PUDP: variants seen among roughly 807,000 people sequenced by gnomAD.
PUDP encodes pseudouridine 5'-phosphatase, also known as pseudouridine-5'-phosphatase.
PUDP carries 8 observed loss-of-function variants against 9.4 expected under a neutral mutation model. That is an observed-to-expected ratio of 0.85 (90% confidence interval 0.50 to 1.53). The LOEUF is 1.53. Among genes scored for constraint, PUDP ranks in the 40% most tolerant of loss-of-function variants. The pLI is 0.00. For synonymous variants in PUDP, 99 were observed against 80.7 expected (o/e 1.23, Z -1.22); for missense variants, 188 against 189.7 (o/e 0.99, Z 0.05).
At chrX:6,884,790 T>C (rs1478740124) in intron 3 of PUDP, among the ~76,000 whole-genome samples, 1 of 112,606 alleles carries the variant, frequency 8.9e-6, no homozygotes, top group Non-Finnish European at 1.9e-5. Context: ...CAGAAGTTTC[T>C]GGATTAAATA....
intron 3 of PUDP, among the ~76,000 whole-genome samples, chrX:6,846,422 AAAAAAG>A (rs1437609109): frequency 3.7e-5 from 4 of 109,006 alleles, no homozygotes; most frequent in African/African-American, 1.3e-4. Flanking sequence ...AAAAAAAAAA[AAAAAAG>A]AAAAGTGTCA....
chrX:6,718,221 G>A (rs1263568192), intron 1 of PUDP, among the ~76,000 whole-genome samples: 4 of 111,303 alleles, frequency 3.6e-5, no homozygotes, highest in African/African-American at 6.5e-5. Context: ...ACTACCATTC[G>A]ATCCAACAAT....
intron 1 of PUDP, among the ~76,000 whole-genome samples, chrX:7,000,619 C>T (rs1391228980): frequency 9.3e-6 from 1 of 107,635 alleles, no homozygotes; most frequent in Admixed American, 9.9e-5. Context: ...TAAATAGAAA[C>T]AAATATAAAT....
At chrX:6,778,088 T>C (rs1328727409) in intron 3 of PUDP, among the ~76,000 whole-genome samples, 2 of 112,129 alleles carry the variant, frequency 1.8e-5, no homozygotes, top group East Asian at 5.6e-4. Context: ...AGAGAAGCTG[T>C]TGGCATGTTT....
chrX:6,798,023 G>A (rs1006430777), intron 3 of PUDP, among the ~76,000 whole-genome samples: 2 of 112,036 alleles, frequency 1.8e-5, no homozygotes, highest in Admixed American at 9.5e-5. Context: ...CCCAACAGTT[G>A]GCACAATCCC....
intron 2 of PUDP, among the ~76,000 whole-genome samples, chrX:7,096,727 G>A (rs745482506): frequency 9.0e-6 from 1 of 110,922 alleles, no homozygotes; most frequent in South Asian, 3.9e-4. Flanking sequence ...TCCTAGCCAC[G>A]CCAGAAGCTG....
chrX:6,944,287 G>A (rs1450757937), intron 3 of PUDP, among the ~76,000 whole-genome samples: 2 of 111,793 alleles, frequency 1.8e-5, no homozygotes, highest in Non-Finnish European at 3.8e-5. Context: ...TGCCATGATT[G>A]TAAGTTTTCT....
At chrX:6,790,099 T>C (rs1348762321) in intron 3 of PUDP, among the ~76,000 whole-genome samples, 1 of 111,126 alleles carries the variant, frequency 9.0e-6, no homozygotes, top group Non-Finnish European at 1.9e-5. Context: ...AGATGATAGA[T>C]AGATCATAGA....
intron 3 of PUDP, among the ~76,000 whole-genome samples, chrX:6,906,956 C>T (rs754743356): frequency 2.7e-4 from 30 of 111,529 alleles, no homozygotes; most frequent in Middle Eastern, 4.6e-3. Flanking sequence ...GCTAAGCAGT[C>T]GGTTTTGTTG....
At position 6,765,339 on chromosome X, in the gene PUDP, T is replaced by G. The variant is rs1925272213; in HGVS notation, c.*248-58873A>C. On this transcript the variant is annotated intron_variant and NMD_transcript_variant, in intron 3 of 3. Transcript: ENST00000655425. ...AACAACAAAAAGAAAGCCCTGAAAA[T>G]ACCTAGAACTAACCTTAACAAGAAA... 2.7e-5 allele frequency among the ~76,000 whole-genome samples: 3 copies of G among 110,960 alleles called. No homozygotes were observed. The South Asian group carries it at 1.1e-3, about 42-fold the overall frequency.
Position 7,116,657 on chromosome X carries a change from G to A in PUDP, c.62-10819C>T, listed in dbSNP as rs541438087. On this transcript the variant is annotated intron_variant, in intron 1 of 3. Coordinates refer to ENST00000381077, the MANE Select transcript of PUDP (RefSeq NM_012080.5). ...GAACTAATCTCCATGCCCCCTCTAC[G>A]CCAAAAAGACCCTGCATCAGGTCAG... is the stretch of plus-strand genomic sequence containing the variant. 3.6e-5 allele frequency among the ~76,000 whole-genome samples: 4 copies of A among 111,812 alleles called. 1 individual carries two copies. The highest frequency in any genetic ancestry group is 5.7e-4 in the East Asian group (2 of 3,531).
intron 3 of PUDP, among the ~76,000 whole-genome samples, chrX:6,741,694 C>A (rs973892382): frequency 9.0e-6 from 1 of 110,990 alleles, no homozygotes; most frequent in Non-Finnish European, 1.9e-5. Flanking sequence ...TTTCATGATA[C>A]ATCCTGGAAA....
chrX:6,788,544 A>T (rs936994524), intron 3 of PUDP, among the ~76,000 whole-genome samples: 6 of 111,224 alleles, frequency 5.4e-5, no homozygotes, highest in Admixed American at 3.8e-4. Context: ...CTCTACAAAA[A>T]ATACAAAAAA....
intron 1 of PUDP, among the ~76,000 whole-genome samples, chrX:6,983,485 A>T (rs1421792939): frequency 8.9e-6 from 1 of 112,100 alleles, no homozygotes; most frequent in Non-Finnish European, 1.9e-5. Flanking sequence ...TAGTGATGTT[A>T]CCTTCAAGAG....
intron 3 of PUDP, among the ~76,000 whole-genome samples, chrX:6,924,463 G>C (rs1433198268): frequency 8.9e-6 from 1 of 112,328 alleles, no homozygotes; most frequent in Non-Finnish European, 1.9e-5. Context: ...GACCAGAAGT[G>C]TTTCAGATTA....
At chrX:6,796,618 T>C (rs1353868698) in intron 3 of PUDP, among the ~76,000 whole-genome samples, 1 of 112,216 alleles carries the variant, frequency 8.9e-6, no homozygotes, top group Non-Finnish European at 1.9e-5. Flanking sequence ...AATCACCGGA[T>C]AGTCCAATTC....
At chrX:6,714,993 A>ATG (rs775165133) in intron 1 of PUDP, among the ~76,000 whole-genome samples, 3,772 of 104,837 alleles carry the variant, frequency 0.036, 163 homozygotes, top group African/African-American at 0.12. Flanking sequence ...ATATATATAT[A>ATG]TGTGTGTGTG....
At chrX:6,832,987 T>TACACACACACACAC (rs200319848) in intron 3 of PUDP, among the ~76,000 whole-genome samples, 3 of 106,306 alleles carry the variant, frequency 2.8e-5, no homozygotes, top group African/African-American at 1.0e-4. Context: ...CTCTCTGACA[T>TACACACACACACAC]ACACACACAC....
chrX:7,010,704 G>C (rs180873564), intron 1 of PUDP, among the ~76,000 whole-genome samples: 1 of 111,861 alleles, frequency 8.9e-6, no homozygotes, highest in East Asian at 2.8e-4. Flanking sequence ...CGATTCTGGT[G>C]TAATGCTATG....
Sources: gnomAD v4.1 joint callset for allele counts (sites outside exome capture counted in the v4.1 genomes callset) on GRCh38, gnomAD v4.1.1 for gene constraint, MANE v1.5 for transcripts, NCBI Gene and HGNC (gene_info 2026-07-23, HGNC 2026-07-21) for gene names.